The following ATG16L1 variants were observed in gnomAD, a reference collection of about 807,000 sequenced individuals.
ATG16L1 encodes the protein autophagy-related protein 16-1.
In ATG16L1, 37 loss-of-function variants were observed where a neutral mutation model predicts 88.5. The ratio of observed to expected loss-of-function variants is 0.42; its 90% CI spans 0.32 to 0.55. The LOEUF (loss-of-function observed/expected upper bound fraction) is 0.55, where lower values mean the gene tolerates loss of function less well. Among genes scored for constraint, ATG16L1 ranks in the 20% least tolerant of loss-of-function variants. The pLI is 0.13. For synonymous variants in ATG16L1, 301 were observed against 281.0 expected, an observed-to-expected ratio of 1.07 and a Z score of -0.71; for missense variants, 554 against 752.8, an observed-to-expected ratio of 0.74 and a Z score of 3.09.
At chr2:233,256,006 TG>T in intron 1 of ATG16L1, 95 bp from the exon 2 acceptor site, 1 of 927,970 alleles carries the variant, frequency 1.1e-6, no homozygotes, top group Non-Finnish European at 1.7e-6. Flanking sequence ...TGTATGTTCC[TG>T]TATTGCATCC....
At chr2:233,272,427 A>G (rs1229157892) in intron 6 of ATG16L1, among the ~76,000 whole-genome samples, 1 of 152,222 alleles carries the variant, frequency 6.6e-6, no homozygotes, top group Admixed American at 6.5e-5. Context: ...TTTTAAAGTA[A>G]TATTTGAAAC....
chr2:233,295,386 G>A lies in ATG16L1; in HGVS notation c.*1036G>A, dbSNP rs563657490. ...CACCCTTTTTATCACTTTTAAATTT[G>A]CACTTTATTTTTTTTCTTCCATGCT... On this transcript the variant is annotated 3_prime_UTR_variant, in exon 18 of 18. Coordinates refer to ENST00000392017, the MANE Select transcript of ATG16L1 (RefSeq NM_030803.7). The A allele has an allele frequency of 6.5e-6, 1 of 152,766 alleles. No individual in the cohort carries two copies. Among genetic ancestry groups the A allele is most frequent in the South Asian group, 2.1e-4 (1 of 4,836 alleles). 9.5% of individuals were successfully genotyped at this position (152,766 alleles called of 1,614,324 possible).
At chr2:233,275,099 C>T (rs931435510) in intron 9 of ATG16L1, among the ~76,000 whole-genome samples, 2 of 152,076 alleles carry the variant, frequency 1.3e-5, no homozygotes, top group African/African-American at 2.4e-5. Context: ...CCAATTGGCT[C>T]CAGTTTAGAG....
chr2:233,292,225 G>A lies in ATG16L1; in HGVS notation c.1528G>A (p.Asp510Asn). The A allele has an allele frequency of 6.2e-7, 1 of 1,614,248 alleles. No individual in the cohort carries two copies. Among genetic ancestry groups the A allele is most frequent in the Non-Finnish European group, 8.5e-7 (1 of 1,180,044 alleles). The change falls in exon 15 of 18, where the codon GAC becomes AAC. Residue 510 changes from aspartate (D) to asparagine (N), a missense_variant. Coordinates refer to ENST00000392017, the MANE Select transcript of ATG16L1 (RefSeq NM_030803.7). ...RTELLSCSRD[D>N]LLKVIDLRTN... Reference sequence around the variant, plus strand: ...TGAGCTCCTGAGCTGCTCCCGTGATGACTTGCTAAAAGTTATTGATCTCCG... The same window carrying A: ...TGAGCTCCTGAGCTGCTCCCGTGATAACTTGCTAAAAGTTATTGATCTCCG...
intron 5 of ATG16L1, among the ~76,000 whole-genome samples, chr2:233,265,799 C>T (rs1697527158): frequency 6.6e-6 from 1 of 152,202 alleles, no homozygotes; most frequent in South Asian, 2.1e-4. Flanking sequence ...TCCCTGCAAT[C>T]CTGCTAAGTC....
chr2:233,252,137 C>T (rs770099400), intron 1 of ATG16L1, among the ~76,000 whole-genome samples, 195 bp downstream of exon 1: 1 of 152,210 alleles, frequency 6.6e-6, no homozygotes, highest in East Asian at 1.9e-4. Context: ...GGAGGATTTT[C>T]CCTATTAAAT....
chr2:233,291,736 C>T (rs1163641318), intron 14 of ATG16L1, among the ~76,000 whole-genome samples: 2 of 152,220 alleles, frequency 1.3e-5, no homozygotes, highest in Admixed American at 6.5e-5. Context: ...GCTAGAGTTA[C>T]ACTTACAAGG....
At chr2:233,292,030 C>T (rs1699497680) in intron 14 of ATG16L1, 98 bp from the exon 15 acceptor site, 2 of 1,410,692 alleles carry the variant, frequency 1.4e-6, no homozygotes, top group East Asian at 2.3e-5. Context: ...CAGAGCGTTG[C>T]ATGCTAGTTG....
chr2:233,289,408 T>TGTGTGTGTGTGTGTGTGTGTGTGTGA (rs144316394), intron 12 of ATG16L1, among the ~76,000 whole-genome samples: 17 of 149,532 alleles, frequency 1.1e-4, no homozygotes, highest in African/African-American at 2.5e-4. Context: ...TGTGTGTGTG[T>TGTGTGTGTGTGTGTGTGTGTGTGTGA]GACAGGATCT....
chr2:233,287,742 G>C (rs930520907), intron 12 of ATG16L1, among the ~76,000 whole-genome samples: 1 of 152,148 alleles, frequency 6.6e-6, no homozygotes, highest in African/African-American at 2.4e-5. Context: ...GCTGGATGTG[G>C]TGGCACACGC....
chr2:233,280,141 C>T (rs1307006631), intron 10 of ATG16L1, among the ~76,000 whole-genome samples: 1 of 152,182 alleles, frequency 6.6e-6, no homozygotes, highest in East Asian at 1.9e-4. Context: ...ATGACAGCTT[C>T]AAACCAGTAT....
intron 6 of ATG16L1, 85 bp from the exon 7 acceptor site, chr2:233,272,881 C>A: frequency 1.6e-6 from 2 of 1,222,590 alleles, no homozygotes; most frequent in Non-Finnish European, 2.4e-6. Context: ...TAGGATCTAA[C>A]TAGAAAATGA....
intron 14 of ATG16L1, among the ~76,000 whole-genome samples, chr2:233,290,802 A>T (rs1235136914): frequency 6.6e-6 from 1 of 152,188 alleles, no homozygotes; most frequent in Non-Finnish European, 1.5e-5. Context: ...GGTGGCTGAT[A>T]CATGGCAAGT....
At position 233,274,713 on chromosome 2, in the gene ATG16L1, A is replaced by G. The variant is rs746720219; in HGVS notation, c.889A>G (p.Asn297Asp). 6.2e-7 allele frequency: 1 copy of G among 1,612,150 alleles called. No homozygotes were observed. Among genetic ancestry groups the G allele is most frequent in the African/African-American group, 1.3e-5 (1 of 74,860 alleles). Residue 297 changes from asparagine to aspartate, a missense_variant, in exon 9 of 18, where the codon AAT (asparagine) becomes GAT (aspartate). Transcript: ENST00000392017. ...CTCTTCCTTCCCAGTCCCCCAGGAC[A>G]ATGTGGATACTCATCCTGGTTCTGG... ...SVSSFPVPQD[N>D]VDTHPGSGKE...
intron 5 of ATG16L1, among the ~76,000 whole-genome samples, chr2:233,266,725 T>G (rs1697616932): frequency 6.6e-6 from 1 of 152,216 alleles, no homozygotes; most frequent in Non-Finnish European, 1.5e-5. Context: ...TACGGATCAA[T>G]CTACATATTC....
intron 6 of ATG16L1, 121 bp from the exon 7 acceptor site, chr2:233,272,845 C>T: frequency 8.9e-6 from 7 of 782,204 alleles, no homozygotes; most frequent in South Asian, 4.5e-5. Context: ...GAATCTTTAA[C>T]GCATTGCTGT....
intron 12 of ATG16L1, among the ~76,000 whole-genome samples, chr2:233,287,061 G>T (rs1403971739): frequency 6.6e-6 from 1 of 152,160 alleles, no homozygotes; most frequent in African/African-American, 2.4e-5. Flanking sequence ...TGTGCTCATA[G>T]ATGTTCACTG....
At chr2:233,257,607 GAGAC>G (rs1696882636) in intron 2 of ATG16L1, among the ~76,000 whole-genome samples, 1 of 152,194 alleles carries the variant, frequency 6.6e-6, no homozygotes, top group Non-Finnish European at 1.5e-5. Context: ...TGGGTTTAAA[GAGAC>G]ATAGCCTCAG....
At position 233,289,963 on chromosome 2, in the gene ATG16L1, G is replaced by T. The variant is rs1384387635; in HGVS notation, c.1313G>T (p.Arg438Leu). 1.2e-6 allele frequency: 2 copies of T among 1,613,812 alleles called. No homozygotes were observed. Among genetic ancestry groups the T allele is most frequent in the Non-Finnish European group, 1.7e-6 (2 of 1,179,828 alleles). Reference protein sequence around the residue: ...HDRTLKLWDLRSKVCIKTVFA... With the variant: ...HDRTLKLWDLLSKVCIKTVFA... ...CGGACTCTCAAACTCTGGGATCTAC[G>T]CAGCAAAGTCTGTGAGGAAATTCAG... The change falls in exon 13 of 18, where the codon CGC (arginine) becomes CTC (leucine). Residue 438 changes from arginine (R) to leucine (L), a missense_variant. By Grantham distance (102) the Arg-to-Leu change is moderately radical. This residue lies in a region of ATG16L1 where 370 missense variants were observed against 509.7 expected (regional missense o/e 0.73). Coordinates refer to ENST00000392017, the MANE Select transcript of ATG16L1 (RefSeq NM_030803.7).
Sources: allele counts gnomAD v4.1 joint callset (sites outside exome capture counted in the v4.1 genomes callset), GRCh38; gene constraint gnomAD v4.1.1; regional missense constraint gnomAD v4.1.1; transcripts MANE v1.5; gene names NCBI Gene and HGNC (gene_info 2026-07-23, HGNC 2026-07-21).